OPA3: variants seen among roughly 807,000 people sequenced by gnomAD.
The protein encoded by OPA3 is optic atrophy 3 protein.
A neutral mutation model predicts 4.0 loss-of-function variants in OPA3; 6 were observed. The ratio of observed to expected loss-of-function variants is 1.51; its 90% confidence interval spans 0.83 to 2.99. The LOEUF (loss-of-function observed/expected upper bound fraction) is 2.99. Among genes scored for constraint, OPA3 ranks in the 30% most tolerant of loss-of-function variants. The pLI, the probability that OPA3 is intolerant of heterozygous loss-of-function variation, is 0.00. For missense variants in OPA3, 235 were observed against 256.2 expected (o/e 0.92, Z 0.56); for synonymous variants, 105 against 117.1 (o/e 0.90, Z 0.67).
At position 45,556,823 on chromosome 19, in the gene OPA3, G is replaced by T. The variant is rs1361946511; in HGVS notation, c.143-2912C>A. The stretch of plus-strand genomic sequence containing the variant: ...GTTACAGCTGTGACTTAGGCCCTGG[G>T]CTTGTGGGTTCCTGGGGTCCAGGCT... On this transcript the variant is annotated intron_variant, in intron 1 of 1. Transcript: ENST00000263275. 2.0e-5 allele frequency among the ~76,000 whole-genome samples: 3 copies of T among 152,214 alleles called. No homozygotes were observed. In the East Asian group the frequency reaches 5.8e-4, roughly 29 times the overall value.
intron 1 of OPA3, among the ~76,000 whole-genome samples, chr19:45,580,665 C>G (rs1446151712): frequency 6.6e-6 from 1 of 151,176 alleles, no homozygotes; most frequent in African/African-American, 2.4e-5. Context: ...GTCGCCCAAG[C>G]TGGAGTGCAG....
rs1490361097 is a variant in OPA3 at position 45,549,437 on chromosome 19, C to T, written c.*4077G>A. ...CAGCACTCCATCTGGGTCAGGACAG[C>T]GCTGGGGTCAGGAATTGGAGCTCCT... On this transcript the variant is annotated 3_prime_UTR_variant, in exon 2 of 2. Coordinates refer to ENST00000263275, the MANE Select transcript of OPA3 (RefSeq NM_025136.4). 1.8e-5 allele frequency: 18 copies of T among 984,246 alleles called. No individual in the cohort carries two copies. The highest frequency in any genetic ancestry group is 3.5e-5 in the African/African-American group (2 of 56,982). 61.0% of individuals were successfully genotyped at this position (984,246 alleles called of 1,614,324 possible).
At chr19:45,535,515 G>C (rs144972855) in intron 1 of OPA3, among the ~76,000 whole-genome samples, 1 of 150,870 alleles carries the variant, frequency 6.6e-6, no homozygotes, top group Non-Finnish European at 1.5e-5. Flanking sequence ...ACAACACCAT[G>C]CCTGGCTAAT....
intron 1 of OPA3, among the ~76,000 whole-genome samples, chr19:45,540,626 G>A (rs188411856): frequency 6.6e-6 from 1 of 151,708 alleles, no homozygotes; most frequent in Non-Finnish European, 1.5e-5. Context: ...AGCACTTTGG[G>A]AGGCTGAGGC....
intron 1 of OPA3, among the ~76,000 whole-genome samples, chr19:45,578,882 C>T (rs1969806433): frequency 6.6e-6 from 1 of 152,124 alleles, no homozygotes; most frequent in Admixed American, 6.6e-5. Context: ...TTCTGCTGCA[C>T]AGAACCCTCC....
chr19:45,575,091 A>G (rs1029921839), intron 1 of OPA3, among the ~76,000 whole-genome samples: 5 of 152,032 alleles, frequency 3.3e-5, no homozygotes, highest in Non-Finnish European at 5.9e-5. Context: ...ACTAAGAGTG[A>G]CTGGGTTTTT....
intron 1 of OPA3, among the ~76,000 whole-genome samples, chr19:45,562,692 A>T (rs1264229): frequency 0.52 from 79,135 of 151,970 alleles, 22,127 homozygotes; most frequent in East Asian, 0.72. Flanking sequence ...TCTCAAAAAA[A>T]ATATAAATAA....
chr19:45,572,447 TATATG>T (rs1046525424), intron 1 of OPA3, among the ~76,000 whole-genome samples: 3 of 121,388 alleles, frequency 2.5e-5, no homozygotes, highest in African/African-American at 1.3e-4. Context: ...TGTATATCAA[TATATG>T]ATATATATCA....
In OPA3 at chr19:45,551,102, A is replaced by G. The variant is rs550245504; in HGVS notation, c.*2412T>C. On this transcript the variant is annotated 3_prime_UTR_variant, in exon 2 of 2. Transcript: ENST00000263275. ...CAGCCTCCCAAGTAGCTGGGACTAC[A>G]GGCATGCATCACCGCACCTGGCTAA... The G allele has an allele frequency of 1.3e-4, 29 of 223,662 alleles. No homozygotes were observed. The highest frequency in any genetic ancestry group is 2.2e-4 in the Non-Finnish European group (29 of 133,478). The allele number at this position is 223,662 out of a possible 1,614,324, so 13.9% of individuals were successfully genotyped here. A position where few individuals can be genotyped will look rare whatever the true frequency, so the allele number is the denominator to read the frequency against.
At chr19:45,566,818 CA>C (rs373396569) in intron 1 of OPA3, among the ~76,000 whole-genome samples, 63 of 152,138 alleles carry the variant, frequency 4.1e-4, no homozygotes, top group African/African-American at 1.2e-3. Flanking sequence ...CCATATAACC[CA>C]GAAATTTTAC....
downstream of OPA3, among the ~76,000 whole-genome samples, chr19:45,546,030 C>T (rs1045406756): frequency 2.0e-5 from 3 of 151,866 alleles, no homozygotes; most frequent in South Asian, 2.1e-4. Flanking sequence ...AATAAAATAA[C>T]GGAGAATAAA....
At chr19:45,558,347 A>C (rs967304785) in intron 1 of OPA3, among the ~76,000 whole-genome samples, 8 of 152,092 alleles carry the variant, frequency 5.3e-5, no homozygotes, top group Admixed American at 3.3e-4. Context: ...AGAAAAGAAA[A>C]GAACAAACCT....
intron 1 of OPA3, among the ~76,000 whole-genome samples, chr19:45,533,235 G>A (rs988106781): frequency 7.0e-6 from 1 of 143,306 alleles, no homozygotes; most frequent in Non-Finnish European, 1.5e-5. Context: ...TCACTCTGAC[G>A]CCCAGGCTGG....
At chr19:45,570,848 G>C (rs1354871845) in intron 1 of OPA3, among the ~76,000 whole-genome samples, 4 of 148,124 alleles carry the variant, frequency 2.7e-5, no homozygotes. Context: ...GGGCGACAGA[G>C]TGAGACTCTG....
chr19:45,573,999 C>A (rs1233581976), intron 1 of OPA3, among the ~76,000 whole-genome samples: 1 of 151,724 alleles, frequency 6.6e-6, no homozygotes, highest in Admixed American at 6.6e-5. Flanking sequence ...CCCGTCTCTA[C>A]TAAAAATACA....
chr19:45,582,468 G>GT (rs1179234526), intron 1 of OPA3, among the ~76,000 whole-genome samples: 2 of 151,836 alleles, frequency 1.3e-5, no homozygotes, highest in South Asian at 4.2e-4. Flanking sequence ...CTGGAGCAGA[G>GT]TTTTTTTGTT....
At chr19:45,571,633 T>A (rs1403053537) in intron 1 of OPA3, among the ~76,000 whole-genome samples, 5 of 152,126 alleles carry the variant, frequency 3.3e-5, no homozygotes, top group Non-Finnish European at 5.9e-5. Context: ...TCCAGCAAAG[T>A]GATTTTCAAA....
chr19:45,542,675 T>G (rs200151313), downstream of OPA3, among the ~76,000 whole-genome samples: 108 of 137,114 alleles, frequency 7.9e-4, 1 homozygote, highest in Admixed American at 2.0e-3. Context: ...GTTTTTTTTT[T>G]TTTTTTTTTT....
At chr19:45,583,365 G>A (rs934977587) in intron 1 of OPA3, among the ~76,000 whole-genome samples, 4 of 151,816 alleles carry the variant, frequency 2.6e-5, no homozygotes, top group Admixed American at 6.6e-5. Context: ...TGTTAGCCAG[G>A]ATGGTCTCCA....
Sources: gnomAD v4.1 joint callset for allele counts (sites outside exome capture counted in the v4.1 genomes callset) on GRCh38, gnomAD v4.1.1 for gene constraint, MANE v1.5 for transcripts, NCBI Gene and HGNC (gene_info 2026-07-23, HGNC 2026-07-21) for gene names.